The following ATP8A2 variants were observed in gnomAD, a reference collection of about 807,000 sequenced individuals.
ATP8A2 encodes ATPase phospholipid transporting 8A2.
A neutral mutation model predicts 165.6 loss-of-function variants in ATP8A2; 100 were observed. The ratio of observed to expected loss-of-function variants is 0.60; its 90% CI spans 0.51 to 0.71. The LOEUF is 0.71. ATP8A2 is among the 30% of genes least tolerant of loss of function. The pLI is 0.00. For synonymous variants in ATP8A2, 543 were observed against 548.8 expected, an observed-to-expected ratio of 0.99 and a Z score of 0.15; for missense variants, 1,227 against 1,479.5, an observed-to-expected ratio of 0.83 and a Z score of 2.80.
chr13:25,662,598 AG>A (rs2042073236), intron 24 of ATP8A2, among the ~76,000 whole-genome samples: 2 of 152,212 alleles, frequency 1.3e-5, no homozygotes, highest in African/African-American at 4.8e-5. Context: ...ATGAACAGTG[AG>A]CCACTGCAGA....
chr13:25,897,018 A>G (rs1233678444), intron 33 of ATP8A2, among the ~76,000 whole-genome samples: 1 of 152,210 alleles, frequency 6.6e-6, no homozygotes, highest in African/African-American at 2.4e-5. Context: ...TAATTGGAGC[A>G]TTTAGCCCAT....
intron 35 of ATP8A2, among the ~76,000 whole-genome samples, chr13:25,993,023 AT>A (rs545281704): frequency 1.1e-4 from 17 of 150,602 alleles, no homozygotes; most frequent in African/African-American, 3.7e-4. Flanking sequence ...TGAACTCATC[AT>A]TTTTTATGGC....
chr13:26,016,839 A>G (rs767743746), intron 36 of ATP8A2, among the ~76,000 whole-genome samples: 94 of 152,318 alleles, frequency 6.2e-4, no homozygotes, highest in Non-Finnish European at 1.1e-3. Context: ...GGCCATGAAC[A>G]TGTCCTGGAG....
chr13:25,704,053 G>A (rs900483672), intron 25 of ATP8A2, among the ~76,000 whole-genome samples: 2 of 152,178 alleles, frequency 1.3e-5, no homozygotes, highest in Admixed American at 6.5e-5. Flanking sequence ...TGAATGAAAT[G>A]TTTGTTGATT....
chr13:25,528,802 CAT>C (rs547680805), intron 2 of ATP8A2, among the ~76,000 whole-genome samples: 4 of 83,582 alleles, frequency 4.8e-5, no homozygotes, highest in Non-Finnish European at 1.3e-4. Flanking sequence ...TGTATGCACA[CAT>C]ATGCAACATG....
At chr13:25,726,509 A>C (rs904904433) in intron 25 of ATP8A2, among the ~76,000 whole-genome samples, 18 of 152,134 alleles carry the variant, frequency 1.2e-4, no homozygotes, top group African/African-American at 4.1e-4. Flanking sequence ...AAAAATGATA[A>C]ATTCCTCGGC....
intron 35 of ATP8A2, among the ~76,000 whole-genome samples, chr13:26,005,497 G>A (rs1288447386): frequency 6.7e-6 from 1 of 150,142 alleles, no homozygotes; most frequent in Admixed American, 6.6e-5. Flanking sequence ...GGCTTAGTTT[G>A]TTCTTCCTTT....
intron 33 of ATP8A2, chr13:25,927,260 G>A (rs79935652): frequency 6.8e-4 from 310 of 456,500 alleles, no homozygotes; most frequent in African/African-American, 5.5e-3. Context: ...AAGATTAAAC[G>A]TCTGCATTTT....
chr13:25,380,759 G>T (rs531550078), intron 1 of ATP8A2, among the ~76,000 whole-genome samples: 30 of 152,024 alleles, frequency 2.0e-4, no homozygotes, highest in African/African-American at 7.0e-4. Context: ...ATTATCTGAC[G>T]GTCAACACCC....
At chr13:25,859,889 CT>C (rs1173570467) in intron 30 of ATP8A2, among the ~76,000 whole-genome samples, 3 of 152,044 alleles carry the variant, frequency 2.0e-5, no homozygotes, top group Non-Finnish European at 4.4e-5. Context: ...GTTCTTACTC[CT>C]TTTTTTAAAA....
At chr13:25,527,278 C>T (rs931531848) in intron 2 of ATP8A2, among the ~76,000 whole-genome samples, 4 of 152,094 alleles carry the variant, frequency 2.6e-5, no homozygotes, top group Admixed American at 2.0e-4. Context: ...ATCCTAAATC[C>T]CTGCTACTCA....
chr13:25,375,893 T>C (rs1310585817), intron 1 of ATP8A2, among the ~76,000 whole-genome samples: 1 of 152,102 alleles, frequency 6.6e-6, no homozygotes, highest in Non-Finnish European at 1.5e-5. Flanking sequence ...TTCTAGAAAC[T>C]GCCCCTGGAG....
At chr13:25,643,069 G>A (rs868306597) in intron 24 of ATP8A2, among the ~76,000 whole-genome samples, 1 of 152,120 alleles carries the variant, frequency 6.6e-6, no homozygotes. Flanking sequence ...GTTGTGGGAT[G>A]GGGGGAGGGG....
rs1413969400 is a variant in ATP8A2 at position 25,510,210 on chromosome 13, CACACACACACAG to C, written c.222-19787_222-19776del. ...ACACACACACACACACACACACACA[CACACACACACAG>C]AGAATGTTGAAATAAATGGATGGAT... On this transcript the variant is annotated intron_variant, in intron 2 of 36. Transcript: ENST00000381655. Among the ~76,000 whole-genome samples, 1,014 of 131,042 alleles carry C rather than the reference CACACACACACAG, an allele frequency of 7.7e-3. 9 individuals carry two copies. The highest frequency in any genetic ancestry group is 0.025 in the African/African-American group (843 of 34,148). The allele number at this position is 131,042 out of a possible 152,430, so 86.0% of individuals were successfully genotyped here.
chr13:25,686,311 T>C (rs2042600150), intron 24 of ATP8A2, among the ~76,000 whole-genome samples: 1 of 152,196 alleles, frequency 6.6e-6, no homozygotes, highest in Admixed American at 6.5e-5. Flanking sequence ...GGCAGGAACA[T>C]GATGCAGTGC....
chr13:25,574,946 T>A, intron 19 of ATP8A2, 89 bp downstream of exon 19: 1 of 688,172 alleles, frequency 1.5e-6, no homozygotes, highest in Non-Finnish European at 2.5e-6. Flanking sequence ...ATGGTATGAT[T>A]CAATATATTA....
rs7337965 is a variant in ATP8A2, at chr13:25,616,902, G to A, written c.2211+27203G>A. 6.0e-3 allele frequency among the ~76,000 whole-genome samples: 919 copies of A among 152,230 alleles called. 8 individuals are homozygous for A. The highest frequency in any genetic ancestry group is 0.021 in the African/African-American group (860 of 41,536). On this transcript the variant is annotated intron_variant, in intron 24 of 36. Transcript: ENST00000381655. ...TAATAACAGCCCTTTGACACGTGTG[G>A]CAGCTGCTGCCAGAGCCTCCAGCCA...
rs1394798494 is a variant in ATP8A2, at chr13:25,743,945, A to G, written c.2385-25101A>G. On this transcript the variant is annotated intron_variant, in intron 25 of 36. Transcript: ENST00000381655. Reference sequence around the variant, plus strand: ...TTCAGATTATAAGAAAAGCTCCAAAATGTTGTAGGATGTCAGTTAATCCTA... The same window carrying G: ...TTCAGATTATAAGAAAAGCTCCAAAGTGTTGTAGGATGTCAGTTAATCCTA... Among the ~76,000 whole-genome samples the G allele has an allele frequency of 2.0e-5, 3 of 152,322 alleles. No individual in the cohort carries two copies. The East Asian group carries it at 5.8e-4, about 29-fold the overall frequency.
At chr13:25,804,165 T>C (rs1950679193) in intron 27 of ATP8A2, among the ~76,000 whole-genome samples, 1 of 152,216 alleles carries the variant, frequency 6.6e-6, no homozygotes, top group African/African-American at 2.4e-5. Flanking sequence ...TTTTTTCCAG[T>C]ATGTATAAAA....
Sources: gnomAD v4.1 joint callset for allele counts (sites outside exome capture counted in the v4.1 genomes callset) on GRCh38, gnomAD v4.1.1 for gene constraint, MANE v1.5 for transcripts, NCBI Gene and HGNC (gene_info 2026-07-23, HGNC 2026-07-21) for gene names.